Variants in PTPRG observed in about 807,000 individuals in gnomAD.
The protein encoded by PTPRG is receptor-type tyrosine-protein phosphatase gamma.
In PTPRG, 102 loss-of-function variants were observed where a neutral mutation model predicts 165.3. That is an observed-to-expected ratio of 0.62 (90% confidence interval 0.53 to 0.73). The LOEUF is 0.73. PTPRG is among the 30% of genes least tolerant of loss of function. The probability of loss-of-function intolerance (pLI) is 0.00; values close to 1 mark genes in which losing one functional copy is unlikely to be tolerated. For synonymous variants in PTPRG, 675 were observed against 669.5 expected, an observed-to-expected ratio of 1.01 and a Z score of -0.13; for missense variants, 1,866 against 1,861.4, an observed-to-expected ratio of 1.00 and a Z score of -0.05.
intron 5 of PTPRG, among the ~76,000 whole-genome samples, chr3:62,112,085 C>A (rs1702687772): frequency 6.6e-6 from 1 of 151,828 alleles, no homozygotes; most frequent in African/African-American, 2.4e-5. Flanking sequence ...GAAGCCCAGT[C>A]ACTACCACTT....
intron 1 of PTPRG, among the ~76,000 whole-genome samples, chr3:61,721,743 C>T (rs2032055453): frequency 1.3e-5 from 2 of 152,026 alleles, no homozygotes; most frequent in African/African-American, 2.4e-5. Flanking sequence ...CCATGTGTCA[C>T]CTGGGATGCT....
At chr3:61,751,858 C>T (rs1559591734) in intron 2 of PTPRG, among the ~76,000 whole-genome samples, 1 of 151,968 alleles carries the variant, frequency 6.6e-6, no homozygotes, top group African/African-American at 2.4e-5. Flanking sequence ...CCAGGCGTAG[C>T]GGTGGGCGCC....
chr3:61,770,468 G>A (rs2034174718), intron 2 of PTPRG: 1 of 152,082 alleles, frequency 6.6e-6, no homozygotes, highest in Non-Finnish European at 1.5e-5. Flanking sequence ...ATACGTTGGT[G>A]CAAAAGTAAT....
chr3:61,903,151 G>T (rs546820504), intron 2 of PTPRG, among the ~76,000 whole-genome samples: 1 of 151,886 alleles, frequency 6.6e-6, no homozygotes, highest in African/African-American at 2.4e-5. Flanking sequence ...TATCTGTCCC[G>T]TGCTGTTCTC....
At chr3:61,831,197 A>T (rs1280895005) in intron 2 of PTPRG, among the ~76,000 whole-genome samples, 1 of 152,240 alleles carries the variant, frequency 6.6e-6, no homozygotes, top group Non-Finnish European at 1.5e-5. Context: ...TTATTCAGGC[A>T]TAACCCAGGA....
In PTPRG at chr3:61,823,914, C is replaced by T. The variant is rs147535388; in HGVS notation, c.190+74932C>T. 4.5e-3 allele frequency among the ~76,000 whole-genome samples: 678 copies of T among 152,218 alleles called. 3 individuals are homozygous for T. The highest frequency in any genetic ancestry group is 0.015 in the African/African-American group (633 of 41,544). ...GGCCGAGGTGGGCAGATCACAAGGT[C>T]AGGAGATCGAGACCATCCTGGCTAA... is the stretch of plus-strand genomic sequence containing the variant. On this transcript the variant is annotated intron_variant, in intron 2 of 29. Coordinates refer to ENST00000474889, the MANE Select transcript of PTPRG (RefSeq NM_002841.4).
At chr3:61,982,103 G>C (rs982331920) in intron 2 of PTPRG, among the ~76,000 whole-genome samples, 1 of 152,140 alleles carries the variant, frequency 6.6e-6, no homozygotes, top group African/African-American at 2.4e-5. Flanking sequence ...TCGATGGAAA[G>C]TCAGGATTCT....
rs1456744412 is a variant in PTPRG at position 62,003,401 on chromosome 3, C to T, written c.423C>T (p.Gly141=). Residue 141 remains glycine, a synonymous_variant, in exon 4 of 30, where the codon GGC becomes GGT. Transcript: ENST00000474889. ...DYFVSGAGLP[G]RFKAEKVEFH... ...TTGTCAGTGGAGCTGGTCTACCTGGCAGATTCAAAGCTGAGAAGGTGGAAT... is the reference window on the plus strand; with the variant it reads ...TTGTCAGTGGAGCTGGTCTACCTGGTAGATTCAAAGCTGAGAAGGTGGAAT... 2.5e-6 allele frequency: 4 copies of T among 1,613,928 alleles called. No homozygotes were observed. The highest frequency in any genetic ancestry group is 2.5e-6 in the Non-Finnish European group (3 of 1,179,942).
chr3:62,004,181 T>G (rs906521495), intron 4 of PTPRG, among the ~76,000 whole-genome samples: 3 of 152,184 alleles, frequency 2.0e-5, no homozygotes, highest in African/African-American at 7.2e-5. Flanking sequence ...ATGCCAACCT[T>G]ATATATTTCC....
intron 1 of PTPRG, among the ~76,000 whole-genome samples, chr3:61,642,882 A>G (rs887543598): frequency 1.3e-5 from 2 of 152,164 alleles, no homozygotes; most frequent in Non-Finnish European, 2.9e-5. Context: ...ACTTGGTAAT[A>G]TCCTCCAGAG....
At chr3:61,566,321 C>G (rs1242303936) in intron 1 of PTPRG, among the ~76,000 whole-genome samples, 1 of 152,224 alleles carries the variant, frequency 6.6e-6, no homozygotes, top group Non-Finnish European at 1.5e-5. Context: ...TGCAGCAAAA[C>G]AAACAGCCCT....
At chr3:62,065,894 G>C (rs949387264) in intron 4 of PTPRG, among the ~76,000 whole-genome samples, 1 of 152,346 alleles carries the variant, frequency 6.6e-6, no homozygotes, top group Middle Eastern at 3.4e-3. Context: ...GGACACTAAA[G>C]GGTGTGGTTT....
chr3:61,888,822 C>G (rs1230682586), intron 2 of PTPRG, among the ~76,000 whole-genome samples: 1 of 152,134 alleles, frequency 6.6e-6, no homozygotes, highest in African/African-American at 2.4e-5. Flanking sequence ...TTTTTAGTCT[C>G]TCTTAATCTG....
intron 2 of PTPRG, among the ~76,000 whole-genome samples, chr3:61,978,608 G>C (rs1409876773): frequency 6.6e-6 from 1 of 152,144 alleles, no homozygotes; most frequent in Admixed American, 6.6e-5. Context: ...GTATTAAGTT[G>C]CTGGTACATA....
chr3:61,804,858 C>T (rs1223938157), intron 2 of PTPRG, among the ~76,000 whole-genome samples: 1 of 152,194 alleles, frequency 6.6e-6, no homozygotes, highest in African/African-American at 2.4e-5. Context: ...GGATTTTTCC[C>T]CTTCCTGATG....
intron 1 of PTPRG, among the ~76,000 whole-genome samples, chr3:61,631,368 T>A (rs1262972537): frequency 6.6e-6 from 1 of 152,210 alleles, no homozygotes; most frequent in Non-Finnish European, 1.5e-5. Flanking sequence ...TATAGTATGA[T>A]AGTATATTTT....
chr3:62,067,834 G>A (rs1435617723), intron 4 of PTPRG, among the ~76,000 whole-genome samples: 1 of 152,186 alleles, frequency 6.6e-6, no homozygotes, highest in African/African-American at 2.4e-5. Context: ...GGACCTCTGT[G>A]CTAGATGCCT....
chr3:62,115,172 A>G (rs567203808), intron 5 of PTPRG, among the ~76,000 whole-genome samples: 2 of 152,236 alleles, frequency 1.3e-5, no homozygotes, highest in South Asian at 4.1e-4. Context: ...TACCTGAGTG[A>G]CCTGACTACC....
At position 61,766,911 on chromosome 3, in the gene PTPRG, C is replaced by T. The variant is rs138512589; in HGVS notation, c.190+17929C>T. On this transcript the variant is annotated intron_variant, in intron 2 of 29. Coordinates refer to ENST00000474889, the MANE Select transcript of PTPRG (RefSeq NM_002841.4). Reference sequence around the variant, plus strand: ...CTGGGATTACAGGCATGAGCCATCGCGCCCAGCCCAGCCATTGATTATTAA... The same window carrying T: ...CTGGGATTACAGGCATGAGCCATCGTGCCCAGCCCAGCCATTGATTATTAA... 4.1e-3 allele frequency among the ~76,000 whole-genome samples: 629 copies of T among 151,906 alleles called. 5 individuals are homozygous for T. Among genetic ancestry groups the T allele is most frequent in the African/African-American group, 0.013 (554 of 41,478 alleles).
Sources: gnomAD v4.1 joint callset for allele counts (sites outside exome capture counted in the v4.1 genomes callset) on GRCh38, gnomAD v4.1.1 for gene constraint, MANE v1.5 for transcripts, NCBI Gene and HGNC (gene_info 2026-07-23, HGNC 2026-07-21) for gene names.